The following WDPCP variants were observed in gnomAD, a reference collection of about 807,000 sequenced individuals.
WDPCP encodes WD repeat containing planar cell polarity effector, also known as WD repeat-containing and planar cell polarity effector protein fritz homolog.
WDPCP carries 71 observed loss-of-function variants against 93.1 expected under a neutral mutation model. The ratio of observed to expected loss-of-function variants is 0.76; its 90% confidence interval spans 0.63 to 0.93. The LOEUF (loss-of-function observed/expected upper bound fraction) is 0.93. WDPCP is among the 40% of genes least tolerant of loss of function. The pLI is 0.00. For missense variants in WDPCP, 844 were observed against 887.4 expected (o/e 0.95, Z 0.62); for synonymous variants, 315 against 315.0 (o/e 1.00, Z 0.00).
chr2:63,733,456 C>A (rs1343555111), intron 2 of WDPCP, among the ~76,000 whole-genome samples: 2 of 147,178 alleles, frequency 1.4e-5, no homozygotes, highest in East Asian at 3.9e-4. Context: ...CCCGCCTCGG[C>A]CTCCCAAAGT....
At chr2:63,600,709 T>A (rs1191045450) in intron 3 of WDPCP, among the ~76,000 whole-genome samples, 1 of 152,214 alleles carries the variant, frequency 6.6e-6, no homozygotes, top group Admixed American at 6.5e-5. Context: ...CTTAAATTTT[T>A]AGCTTAAAGT....
chr2:63,348,537 T>A (rs991910629), intron 12 of WDPCP, among the ~76,000 whole-genome samples: 7 of 152,134 alleles, frequency 4.6e-5, no homozygotes, highest in Non-Finnish European at 8.8e-5. Context: ...CTGACAGCAA[T>A]GATGAGGAAA....
At chr2:63,313,460 C>A in intron 12 of WDPCP, 149 bp from the exon 13 acceptor site, 1 of 784,158 alleles carries the variant, frequency 1.3e-6, no homozygotes, top group Non-Finnish European at 2.1e-6. Flanking sequence ...CTACTAGGAT[C>A]TTCCATATGT....
At chr2:63,284,615 T>TATTA (rs1452952933) in intron 13 of WDPCP, among the ~76,000 whole-genome samples, 1 of 152,180 alleles carries the variant, frequency 6.6e-6, no homozygotes, top group Admixed American at 6.5e-5. Flanking sequence ...TTACAGTTGA[T>TATTA]ATAATAACTA....
At chr2:63,247,297 A>G (rs1680360469) in intron 14 of WDPCP, among the ~76,000 whole-genome samples, 1 of 152,200 alleles carries the variant, frequency 6.6e-6, no homozygotes. Flanking sequence ...AACAGCTGAT[A>G]ACAGGTATTC....
intron 12 of WDPCP, among the ~76,000 whole-genome samples, chr2:63,358,241 A>T (rs796616016): frequency 2.6e-5 from 4 of 152,132 alleles, no homozygotes; most frequent in Admixed American, 1.3e-4. Context: ...AAAGTTTTTT[A>T]AAAAAGAAAA....
chr2:63,547,603 ATAT>A (rs1428705002), intron 1 of WDPCP, among the ~76,000 whole-genome samples: 1 of 151,924 alleles, frequency 6.6e-6, no homozygotes, highest in Non-Finnish European at 1.5e-5. Context: ...ACACACTGAA[ATAT>A]TATTCAGCCA....
At position 63,210,523 on chromosome 2, in the gene WDPCP, C is replaced by T. The variant is rs955967812; in HGVS notation, c.1916-35691G>A. ...AACAGCTCCAGTCTACATTTCCCAC[C>T]GTGAGTGATGCAGAAGACAGGTGAT... On this transcript the variant is annotated intron_variant, in intron 14 of 17. Coordinates refer to ENST00000272321, the MANE Select transcript of WDPCP (RefSeq NM_015910.7). Among the ~76,000 whole-genome samples, 5 of 152,148 alleles carry T rather than the reference C, an allele frequency of 3.3e-5. No homozygotes were observed. In the East Asian group the frequency reaches 7.7e-4, roughly 23 times the overall value.
intron 13 of WDPCP, 81 bp downstream of exon 13, chr2:63,313,167 A>G: frequency 7.5e-7 from 1 of 1,336,042 alleles, no homozygotes; most frequent in Non-Finnish European, 1.1e-6. Flanking sequence ...GCAAAATGAC[A>G]GTAATCCTTT....
intron 14 of WDPCP, among the ~76,000 whole-genome samples, chr2:63,175,265 G>A (rs536099968): frequency 1.3e-5 from 2 of 152,142 alleles, no homozygotes; most frequent in South Asian, 4.2e-4. Context: ...AAACTTTATA[G>A]GGAGATATAT....
intron 3 of WDPCP, among the ~76,000 whole-genome samples, chr2:63,620,051 C>A (rs1322839088): frequency 6.6e-6 from 1 of 152,184 alleles, no homozygotes; most frequent in Non-Finnish European, 1.5e-5. Flanking sequence ...CCCTCAGGTG[C>A]CTACACCACC....
chr2:63,526,133 A>C (rs532909298), intron 1 of WDPCP, among the ~76,000 whole-genome samples: 1 of 152,132 alleles, frequency 6.6e-6, no homozygotes. Flanking sequence ...AGAACAGAGG[A>C]GGAACTGAGA....
intron 2 of WDPCP, among the ~76,000 whole-genome samples, chr2:63,692,730 A>G (rs1668908144): frequency 1.3e-5 from 2 of 152,238 alleles, no homozygotes; most frequent in Admixed American, 1.3e-4. Flanking sequence ...ATTCTGAAAA[A>G]TATATCTAGG....
intron 3 of WDPCP, among the ~76,000 whole-genome samples, chr2:63,611,398 A>G (rs1709612883): frequency 6.6e-6 from 1 of 152,198 alleles, no homozygotes. Flanking sequence ...TTGATATTAT[A>G]TGTACATTTA....
At chr2:63,836,784 A>C in the WDPCP span, among the ~76,000 whole-genome samples, 1 of 152,226 alleles carries the variant, frequency 6.6e-6, no homozygotes, top group African/African-American at 2.4e-5. Context: ...TGCAGAACAG[A>C]CTAAACAGAA....
At chr2:63,387,191 T>A (rs1424854554) in intron 10 of WDPCP, among the ~76,000 whole-genome samples, 3 of 152,036 alleles carry the variant, frequency 2.0e-5, no homozygotes, top group Non-Finnish European at 4.4e-5. Flanking sequence ...AAAAGGAAAC[T>A]TATGGCCAAT....
At chr2:63,554,357 T>C (rs1400931950) in intron 1 of WDPCP, among the ~76,000 whole-genome samples, 1 of 152,162 alleles carries the variant, frequency 6.6e-6, no homozygotes, top group Non-Finnish European at 1.5e-5. Context: ...ATTATTGGGG[T>C]TGGCAACTTA....
At chr2:63,465,159 T>A (rs554767462) in intron 6 of WDPCP, among the ~76,000 whole-genome samples, 45 of 151,998 alleles carry the variant, frequency 3.0e-4, no homozygotes, top group Non-Finnish European at 5.6e-4. Context: ...ATTTATTTAT[T>A]TAAAAAGCAG....
chr2:63,758,611 G>A (rs559764215), intron 2 of WDPCP, among the ~76,000 whole-genome samples: 47 of 152,032 alleles, frequency 3.1e-4, no homozygotes, highest in Non-Finnish European at 6.5e-4. Context: ...GCTAATTTTT[G>A]TATCTTTTTG....
Sources: allele counts gnomAD v4.1 joint callset (sites outside exome capture counted in the v4.1 genomes callset), GRCh38; gene constraint gnomAD v4.1.1; transcripts MANE v1.5; gene names NCBI Gene and HGNC (gene_info 2026-07-23, HGNC 2026-07-21).